The following CTNNA3 variants were observed in gnomAD, a reference collection of about 807,000 sequenced individuals.
CTNNA3 encodes the protein catenin alpha 3.
Under a neutral mutation model 95.7 loss-of-function variants are expected in CTNNA3, and 76 were observed. The observed-to-expected ratio is 0.79, with a 90% CI of 0.66 to 0.96. CTNNA3 has a LOEUF of 0.96. Ranked by LOEUF, CTNNA3 falls within the 40% of genes least tolerant of loss-of-function variation. The pLI is 0.00. For missense variants in CTNNA3, 1,191 were observed against 1,089.8 expected (o/e 1.09, Z -1.31); for synonymous variants, 431 against 374.4 (o/e 1.15, Z -1.74).
chr10:67,509,556 G>A (rs755738726), intron 5 of CTNNA3, among the ~76,000 whole-genome samples: 4 of 152,180 alleles, frequency 2.6e-5, no homozygotes, highest in Non-Finnish European at 4.4e-5. Flanking sequence ...ATTCCATGGT[G>A]TATATATGCC....
At chr10:67,107,308 C>T (rs529695171) in intron 7 of CTNNA3, among the ~76,000 whole-genome samples, 8 of 152,276 alleles carry the variant, frequency 5.3e-5, no homozygotes, top group African/African-American at 1.9e-4. Context: ...TTTTTCTGAA[C>T]TCTAATTCTC....
chr10:66,809,075 C>T (rs1039330874), intron 7 of CTNNA3, among the ~76,000 whole-genome samples: 32 of 152,242 alleles, frequency 2.1e-4, no homozygotes, highest in African/African-American at 7.5e-4. Flanking sequence ...TTATCATTTT[C>T]TTGTTGGAAC....
intron 6 of CTNNA3, among the ~76,000 whole-genome samples, chr10:67,185,230 C>T (rs973792728): frequency 1.3e-5 from 2 of 151,888 alleles, no homozygotes; most frequent in African/African-American, 2.4e-5. Context: ...CAAATTCAAG[C>T]GACTCTCTTG....
At chr10:66,068,906 C>A (rs1425251106) in intron 15 of CTNNA3, among the ~76,000 whole-genome samples, 2 of 152,020 alleles carry the variant, frequency 1.3e-5, no homozygotes, top group East Asian at 3.9e-4. Flanking sequence ...CAAAAGATAC[C>A]ACTATCCTGA....
At chr10:66,989,053 T>C (rs1053974956) in intron 7 of CTNNA3, among the ~76,000 whole-genome samples, 20 of 152,112 alleles carry the variant, frequency 1.3e-4, no homozygotes, top group Admixed American at 9.2e-4. Flanking sequence ...TTACCTCTCA[T>C]AGCAAGAAAA....
At chr10:66,470,841 G>C (rs921439641) in intron 11 of CTNNA3, among the ~76,000 whole-genome samples, 9 of 151,792 alleles carry the variant, frequency 5.9e-5, no homozygotes, top group African/African-American at 2.2e-4. Context: ...GAAAAGAATA[G>C]ACTGCATGAG....
Position 65,918,030 on chromosome 10 carries a change from T to A in CTNNA3, c.*2300A>T, listed in dbSNP as rs2133098460. The A allele has an allele frequency of 1.3e-5, 2 of 152,290 alleles. No homozygotes were observed. The highest frequency in any genetic ancestry group is 4.1e-4 in the South Asian group (2 of 4,824). 9.4% of individuals were successfully genotyped at this position (152,290 alleles called of 1,614,324 possible). A position where few individuals can be genotyped will look rare whatever the true frequency, so the allele number is the denominator to read the frequency against. ...TAGGATATTCATTGAGTTAAAATTT[T>A]TATTGTTTTATTTAATTATAGTTTG... On this transcript the variant is annotated 3_prime_UTR_variant, in exon 18 of 18. Transcript: ENST00000433211.
At chr10:66,490,755 G>A (rs1437221697) in intron 11 of CTNNA3, among the ~76,000 whole-genome samples, 4 of 152,144 alleles carry the variant, frequency 2.6e-5, no homozygotes, top group Non-Finnish European at 5.9e-5. Flanking sequence ...AAGCATGTGT[G>A]TAGTTCGCAT....
chr10:66,813,966 C>T (rs1303997656), intron 7 of CTNNA3, among the ~76,000 whole-genome samples: 1 of 151,974 alleles, frequency 6.6e-6, no homozygotes, highest in Non-Finnish European at 1.5e-5. Context: ...TAAATTACGG[C>T]AGTGACATTG....
intron 8 of CTNNA3, among the ~76,000 whole-genome samples, chr10:66,770,261 T>G (rs183086339): frequency 1.3e-5 from 2 of 152,236 alleles, no homozygotes; most frequent in African/African-American, 4.8e-5. Context: ...TTAAATTGTA[T>G]AGTCATATAT....
chr10:67,179,494 C>CA (rs35292826), intron 7 of CTNNA3, among the ~76,000 whole-genome samples: 16,641 of 85,106 alleles, frequency 0.2, 1,498 homozygotes, highest in African/African-American at 0.27. Context: ...GCTAAAACTT[C>CA]AAAAAAAAAA....
intron 7 of CTNNA3, among the ~76,000 whole-genome samples, chr10:67,123,477 AATTTT>A (rs1445065544): frequency 1.3e-5 from 2 of 152,134 alleles, no homozygotes; most frequent in African/African-American, 2.4e-5. Context: ...ACCATTATTT[AATTTT>A]ATTTTGTCTT....
At chr10:66,464,547 G>A (rs1255629674) in intron 11 of CTNNA3, among the ~76,000 whole-genome samples, 1 of 152,048 alleles carries the variant, frequency 6.6e-6, no homozygotes, top group Admixed American at 6.6e-5. Flanking sequence ...TGGATCACTA[G>A]AGGTCAGGAG....
At chr10:66,618,439 T>C (rs564199115) in intron 10 of CTNNA3, among the ~76,000 whole-genome samples, 1 of 152,030 alleles carries the variant, frequency 6.6e-6, no homozygotes, top group African/African-American at 2.4e-5. Flanking sequence ...TTGACAAACC[T>C]GAGAAAAACA....
At chr10:67,519,087 A>G (rs902736404) in intron 5 of CTNNA3, among the ~76,000 whole-genome samples, 6 of 152,130 alleles carry the variant, frequency 3.9e-5, no homozygotes, top group Non-Finnish European at 7.4e-5. Flanking sequence ...GCCCTGACCC[A>G]AGGAATAGCT....
chr10:67,230,381 A>C (rs1473901551), intron 5 of CTNNA3, among the ~76,000 whole-genome samples: 1 of 152,154 alleles, frequency 6.6e-6, no homozygotes, highest in East Asian at 1.9e-4. Context: ...ATACGATAAC[A>C]TTGGCTTAGG....
intron 1 of CTNNA3, among the ~76,000 whole-genome samples, chr10:67,759,418 G>A (rs1841450773): frequency 6.6e-6 from 1 of 152,172 alleles, no homozygotes; most frequent in South Asian, 2.1e-4. Context: ...AAGCACACAA[G>A]GCAGCTAAGT....
intron 7 of CTNNA3, among the ~76,000 whole-genome samples, chr10:67,169,574 C>T (rs553899724): frequency 6.6e-6 from 1 of 152,238 alleles, no homozygotes; most frequent in Non-Finnish European, 1.5e-5. Context: ...ACTGGCCAGC[C>T]ATGCACAGAC....
intron 10 of CTNNA3, among the ~76,000 whole-genome samples, chr10:66,571,561 G>A (rs554159389): frequency 9.9e-5 from 15 of 152,268 alleles, no homozygotes; most frequent in South Asian, 2.1e-4. Context: ...AAGAAAACAC[G>A]TATTTATTCA....
Sources: gnomAD v4.1 joint callset for allele counts (sites outside exome capture counted in the v4.1 genomes callset) on GRCh38, gnomAD v4.1.1 for gene constraint, MANE v1.5 for transcripts, NCBI Gene and HGNC (gene_info 2026-07-23, HGNC 2026-07-21) for gene names.